LRMDA: variants seen among roughly 807,000 people sequenced by gnomAD.
LRMDA encodes the protein leucine rich melanocyte differentiation associated, also known as leucine-rich melanocyte differentiation-associated protein.
In LRMDA, 18 loss-of-function variants were observed where a neutral mutation model predicts 29.8. The observed-to-expected ratio is 0.60, with a 90% confidence interval of 0.42 to 0.90. The LOEUF (loss-of-function observed/expected upper bound fraction) is 0.90, where lower values mean the gene tolerates loss of function less well. Among genes scored for constraint, LRMDA ranks in the 40% least tolerant of loss-of-function variants. The pLI is 0.00. For synonymous variants in LRMDA, 125 were observed against 109.4 expected, an observed-to-expected ratio of 1.14 and a Z score of -0.89; for missense variants, 273 against 273.9, an observed-to-expected ratio of 1.00 and a Z score of 0.02.
intron 2 of LRMDA, among the ~76,000 whole-genome samples, chr10:75,872,776 A>G (rs1885824): frequency 0.29 from 44,566 of 152,034 alleles, 7,283 homozygotes; most frequent in African/African-American, 0.44. Flanking sequence ...TCTTTTTCAT[A>G]AAGCTTTTCC....
intron 6 of LRMDA, among the ~76,000 whole-genome samples, chr10:76,451,366 T>C (rs989049530): frequency 2.6e-5 from 4 of 151,814 alleles, no homozygotes; most frequent in African/African-American, 4.8e-5. Context: ...CATGCCTGGC[T>C]AATTTTTTTG....
chr10:76,512,024 A>G (rs1843013612), intron 6 of LRMDA, among the ~76,000 whole-genome samples: 1 of 152,146 alleles, frequency 6.6e-6, no homozygotes, highest in African/African-American at 2.4e-5. Context: ...CCCATATGTT[A>G]TGGGAGGGAC....
chr10:76,336,348 C>A (rs1409721793), intron 6 of LRMDA, among the ~76,000 whole-genome samples: 2 of 152,216 alleles, frequency 1.3e-5, no homozygotes, highest in Non-Finnish European at 2.9e-5. Flanking sequence ...AGCATAACTT[C>A]AGTTGCCAGA....
At chr10:75,807,548 C>CAA (rs1267573901) in intron 2 of LRMDA, among the ~76,000 whole-genome samples, 1 of 152,200 alleles carries the variant, frequency 6.6e-6, no homozygotes, top group Non-Finnish European at 1.5e-5. Flanking sequence ...GCACATTCGA[C>CAA]AAACTTTTAC....
chr10:76,347,687 A>G (rs1841125989), intron 6 of LRMDA, among the ~76,000 whole-genome samples: 1 of 152,142 alleles, frequency 6.6e-6, no homozygotes, highest in South Asian at 2.1e-4. Context: ...ATAAAACCCA[A>G]GGAACCTTAG....
intron 2 of LRMDA, among the ~76,000 whole-genome samples, chr10:75,870,292 AGT>A (rs1845086942): frequency 6.6e-6 from 1 of 152,222 alleles, no homozygotes; most frequent in African/African-American, 2.4e-5. Flanking sequence ...ACAGAAGCAA[AGT>A]GTAGTAGTTG....
chr10:76,224,144 A>G lies in LRMDA; in HGVS notation c.517-100257A>G, dbSNP rs543646517. Among the ~76,000 whole-genome samples, 14 of 152,120 alleles carry G rather than the reference A, an allele frequency of 9.2e-5. No individual in the cohort carries two copies. The South Asian group carries it at 2.9e-3, about 32-fold the overall frequency. On this transcript the variant is annotated intron_variant, in intron 5 of 6. Coordinates refer to ENST00000611255, the MANE Select transcript of LRMDA (RefSeq NM_001305581.2). ...TTTCTAAAAATTTATATGACTCTCA[A>G]ATTCTATATGAACACATATATCATT...
At chr10:75,984,528 G>A (rs1466162054) in intron 2 of LRMDA, among the ~76,000 whole-genome samples, 1 of 152,212 alleles carries the variant, frequency 6.6e-6, no homozygotes, top group Non-Finnish European at 1.5e-5. Flanking sequence ...GCCTAAAGCG[G>A]GAAGAACACC....
chr10:75,484,163 C>T (rs1844883943), intron 2 of LRMDA, among the ~76,000 whole-genome samples: 1 of 152,030 alleles, frequency 6.6e-6, no homozygotes, highest in Non-Finnish European at 1.5e-5. Flanking sequence ...GCTGTGTTGC[C>T]CAGGCTAGTC....
intron 2 of LRMDA, among the ~76,000 whole-genome samples, chr10:75,608,297 A>G (rs1309988938): frequency 6.6e-6 from 1 of 151,982 alleles, no homozygotes; most frequent in Non-Finnish European, 1.5e-5. Context: ...ACATAGAAGC[A>G]GAGACTAGAA....
chr10:76,544,356 G>T (rs1843394201), intron 6 of LRMDA, among the ~76,000 whole-genome samples: 1 of 152,106 alleles, frequency 6.6e-6, no homozygotes, highest in African/African-American at 2.4e-5. Flanking sequence ...CAAATAAAAG[G>T]GGTAATATCC....
intron 5 of LRMDA, among the ~76,000 whole-genome samples, chr10:76,221,359 A>T (rs1314158822): frequency 2.0e-5 from 3 of 152,264 alleles, no homozygotes; most frequent in Non-Finnish European, 4.4e-5. Flanking sequence ...ACATGATTGT[A>T]CATCTAGAAA....
chr10:76,527,846 C>A (rs1843194148), intron 6 of LRMDA, among the ~76,000 whole-genome samples: 1 of 152,074 alleles, frequency 6.6e-6, no homozygotes, highest in African/African-American at 2.4e-5. Flanking sequence ...TAAAGAATAA[C>A]CATATCCTTC....
intron 2 of LRMDA, among the ~76,000 whole-genome samples, chr10:75,626,293 A>G (rs1841249349): frequency 6.6e-6 from 1 of 152,114 alleles, no homozygotes; most frequent in African/African-American, 2.4e-5. Flanking sequence ...TGACAGCCCG[A>G]CATCATTCCT....
chr10:75,436,503 T>C (rs997029964), intron 1 of LRMDA, among the ~76,000 whole-genome samples: 2 of 151,844 alleles, frequency 1.3e-5, no homozygotes, highest in Non-Finnish European at 2.9e-5. Context: ...AGTCTGGCTC[T>C]GTCGCCCAGG....
chr10:75,448,777 C>T lies in LRMDA; in HGVS notation c.131+10283C>T, dbSNP rs893311294. ...TTGATGAGCTTCATGATAAAGCAGACTTGCCAATAATACCAAGAGAGAAGA... is the reference window on the plus strand; with the variant it reads ...TTGATGAGCTTCATGATAAAGCAGATTTGCCAATAATACCAAGAGAGAAGA... On this transcript the variant is annotated intron_variant, in intron 2 of 6. Transcript: ENST00000611255. 6.6e-5 allele frequency among the ~76,000 whole-genome samples: 10 copies of T among 152,298 alleles called. 1 individual carries two copies. The highest frequency in any genetic ancestry group is 6.8e-3 in the Middle Eastern group (2 of 294).
intron 2 of LRMDA, among the ~76,000 whole-genome samples, chr10:75,718,544 AG>A (rs1273906258): frequency 6.6e-6 from 1 of 152,204 alleles, no homozygotes; most frequent in Non-Finnish European, 1.5e-5. Flanking sequence ...GGAGCAGGAG[AG>A]TGAAGAATTG....
At chr10:76,318,436 A>G (rs1840727390) in intron 5 of LRMDA, 1 of 152,248 alleles carries the variant, frequency 6.6e-6, no homozygotes, top group African/African-American at 2.4e-5. Flanking sequence ...CTTATTCCAG[A>G]GAGGTTTTTG....
chr10:75,783,829 G>C (rs561765589), intron 2 of LRMDA, among the ~76,000 whole-genome samples: 12 of 152,244 alleles, frequency 7.9e-5, no homozygotes, highest in African/African-American at 2.9e-4. Flanking sequence ...TCAATCAAGC[G>C]AAATGCCCCA....
Sources: gnomAD v4.1 joint callset for allele counts (sites outside exome capture counted in the v4.1 genomes callset) on GRCh38, gnomAD v4.1.1 for gene constraint, MANE v1.5 for transcripts, NCBI Gene and HGNC (gene_info 2026-07-23, HGNC 2026-07-21) for gene names.